PRKG1: variants seen among roughly 807,000 people sequenced by gnomAD.
PRKG1 encodes cGMP-dependent protein kinase 1.
Under a neutral mutation model 88.1 loss-of-function variants are expected in PRKG1, and 35 were observed. That is an observed-to-expected ratio of 0.40 (90% CI 0.30 to 0.53). The LOEUF (loss-of-function observed/expected upper bound fraction) is 0.53. Ranked by LOEUF, PRKG1 falls within the 20% of genes least tolerant of loss-of-function variation. The probability of loss-of-function intolerance (pLI) is 0.59; values close to 1 mark genes in which losing one functional copy is unlikely to be tolerated. For missense variants in PRKG1, 540 were observed against 839.8 expected (o/e 0.64, Z 4.41); for synonymous variants, 303 against 292.5 (o/e 1.04, Z -0.37).
chr10:52,150,183 A>T (rs188664412), intron 8 of PRKG1, among the ~76,000 whole-genome samples: 30,039 of 147,648 alleles, frequency 0.2, 3,514 homozygotes, highest in African/African-American at 0.3. Flanking sequence ...TAATAATAAT[A>T]ATTTGATTGG....
intron 1 of PRKG1, among the ~76,000 whole-genome samples, chr10:51,002,059 T>G (rs1405345047): frequency 1.3e-5 from 2 of 152,050 alleles, no homozygotes; most frequent in Admixed American, 6.6e-5. Context: ...GAGTACAGTT[T>G]GCATGGAGAG....
chr10:51,497,788 G>T (rs1840902616), intron 3 of PRKG1, among the ~76,000 whole-genome samples: 1 of 152,108 alleles, frequency 6.6e-6, no homozygotes, highest in Admixed American at 6.6e-5. Flanking sequence ...ATAATTTAGA[G>T]GAGCAATCTA....
chr10:52,275,527 T>C (rs1841851690), intron 12 of PRKG1, among the ~76,000 whole-genome samples: 1 of 152,160 alleles, frequency 6.6e-6, no homozygotes, highest in South Asian at 2.1e-4. Context: ...TCTATTCTGT[T>C]CCATTGGTCT....
chr10:52,242,471 A>G (rs557514500), intron 9 of PRKG1, among the ~76,000 whole-genome samples: 8 of 152,260 alleles, frequency 5.3e-5, no homozygotes, highest in Non-Finnish European at 1.0e-4. Flanking sequence ...GCAAAAAAGA[A>G]TCATCACTAA....
At chr10:51,459,428 T>G (rs1839682128) in intron 2 of PRKG1, among the ~76,000 whole-genome samples, 1 of 152,142 alleles carries the variant, frequency 6.6e-6, no homozygotes, top group South Asian at 2.1e-4. Flanking sequence ...CTCTGCTCTT[T>G]TTCCCTTCTA....
intron 2 of PRKG1, among the ~76,000 whole-genome samples, chr10:51,350,136 AG>A (rs1564457249): frequency 6.6e-6 from 1 of 152,244 alleles, no homozygotes; most frequent in Non-Finnish European, 1.5e-5. Flanking sequence ...TCATTCATAT[AG>A]TAGAGTTATG....
At chr10:51,949,470 A>G (rs1049183521) in intron 5 of PRKG1, among the ~76,000 whole-genome samples, 1 of 151,178 alleles carries the variant, frequency 6.6e-6, no homozygotes, top group Non-Finnish European at 1.5e-5. Flanking sequence ...ATATATATAT[A>G]TATAAATAAA....
intron 2 of PRKG1, among the ~76,000 whole-genome samples, chr10:51,277,651 T>A (rs1393651716): frequency 2.6e-5 from 4 of 152,182 alleles, no homozygotes; most frequent in African/African-American, 9.7e-5. Flanking sequence ...GGTTTGTAGT[T>A]CTCCTTGAAG....
At chr10:51,301,669 A>G (rs935206651) in intron 2 of PRKG1, among the ~76,000 whole-genome samples, 6 of 152,210 alleles carry the variant, frequency 3.9e-5, no homozygotes, top group African/African-American at 1.2e-4. Flanking sequence ...ATGGCAGTCA[A>G]TGGAAGCCAA....
At position 51,747,738 on chromosome 10, in the gene PRKG1, C is replaced by A. The variant is rs10999229; in HGVS notation, c.593-56847C>A. Among the ~76,000 whole-genome samples, 296 of 152,188 alleles carry A rather than the reference C, an allele frequency of 1.9e-3. 2 individuals carry two copies. Among genetic ancestry groups the A allele is most frequent in the South Asian group, 1.7e-3 (8 of 4,816 alleles). On this transcript the variant is annotated intron_variant, in intron 3 of 17. Coordinates refer to ENST00000373980, the MANE Select transcript of PRKG1 (RefSeq NM_006258.4). ...ACCATTTTAACCATTTTACAAAATA[C>A]AGTTTATAGACTTTTAGTACTTAGG...
chr10:51,202,537 T>TAC (rs1001337716), intron 2 of PRKG1, among the ~76,000 whole-genome samples: 1 of 152,136 alleles, frequency 6.6e-6, no homozygotes, highest in Non-Finnish European at 1.5e-5. Context: ...TAGACAGATA[T>TAC]ACACACACAC....
chr10:52,092,445 T>G (rs541113568), intron 7 of PRKG1, among the ~76,000 whole-genome samples: 1 of 152,334 alleles, frequency 6.6e-6, no homozygotes, highest in Admixed American at 6.5e-5. Context: ...ACCCCAGTTC[T>G]GACATAAAGT....
rs765792966 is a variant in PRKG1, at chr10:51,737,740, A to ATTTATTAATT, written c.593-66845_593-66844insTTTATTAATT. 1.5e-4 allele frequency among the ~76,000 whole-genome samples: 20 copies of ATTTATTAATT among 133,416 alleles called. 1 individual carries two copies. The South Asian group carries it at 2.9e-3, about 19-fold the overall frequency. 87.5% of individuals were successfully genotyped at this position (133,416 alleles called of 152,430 possible). A position where few individuals can be genotyped will look rare whatever the true frequency, so the allele number is the denominator to read the frequency against. On this transcript the variant is annotated intron_variant, in intron 3 of 17. Transcript: ENST00000373980. Reference sequence around the variant, plus strand: ...TTATTTATTTATTTATTTATTTATTAATTATTATTATTATTATTATTATTA... The same window carrying ATTTATTAATT: ...TTATTTATTTATTTATTTATTTATTATTTATTAATTATTATTATTATTATTATTATTATTA...
chr10:51,752,645 C>G (rs531341790), intron 3 of PRKG1, among the ~76,000 whole-genome samples: 1 of 152,048 alleles, frequency 6.6e-6, no homozygotes, highest in Non-Finnish European at 1.5e-5. Flanking sequence ...TTAACCATAC[C>G]AGGCCTGTTT....
intron 3 of PRKG1, among the ~76,000 whole-genome samples, chr10:51,552,121 T>C (rs1837153980): frequency 6.6e-6 from 1 of 151,680 alleles, no homozygotes; most frequent in Non-Finnish European, 1.5e-5. Context: ...AATAAAGAAA[T>C]ACTTTCAGTC....
At chr10:51,992,265 T>C (rs919892550) in intron 5 of PRKG1, among the ~76,000 whole-genome samples, 6 of 152,170 alleles carry the variant, frequency 3.9e-5, no homozygotes, top group African/African-American at 1.2e-4. Context: ...AGTGTGAGTA[T>C]AGAAAATGTG....
chr10:52,149,360 C>T (rs928674124), intron 8 of PRKG1, among the ~76,000 whole-genome samples: 1 of 151,960 alleles, frequency 6.6e-6, no homozygotes, highest in African/African-American at 2.4e-5. Flanking sequence ...GTCTAGACTG[C>T]CATTGGTGTT....
chr10:51,151,362 T>C (rs1181237360), intron 1 of PRKG1, among the ~76,000 whole-genome samples: 1 of 151,902 alleles, frequency 6.6e-6, no homozygotes. Context: ...TGCTACAACC[T>C]TTATCCCCTA....
At chr10:51,753,073 C>A (rs2132512669) in intron 3 of PRKG1, among the ~76,000 whole-genome samples, 1 of 152,172 alleles carries the variant, frequency 6.6e-6, no homozygotes, top group South Asian at 2.1e-4. Flanking sequence ...CTAGTAGTAA[C>A]TAAGTACTTG....
Sources: allele counts gnomAD v4.1 joint callset (sites outside exome capture counted in the v4.1 genomes callset), GRCh38; gene constraint gnomAD v4.1.1; transcripts MANE v1.5; gene names NCBI Gene and HGNC (gene_info 2026-07-23, HGNC 2026-07-21).